The following SPTLC2 variants were observed in gnomAD, a reference collection of about 807,000 sequenced individuals.
SPTLC2 encodes serine palmitoyltransferase long chain base subunit 2.
In SPTLC2, 21 loss-of-function variants were observed where a neutral mutation model predicts 62.0. That is an observed-to-expected ratio of 0.34 (90% CI 0.24 to 0.49). The LOEUF (loss-of-function observed/expected upper bound fraction) is 0.49, where lower values mean the gene tolerates loss of function less well. Ranked by LOEUF, SPTLC2 falls within the 20% of genes least tolerant of loss-of-function variation. The pLI, the probability that SPTLC2 is intolerant of heterozygous loss-of-function variation, is 0.99. For synonymous variants in SPTLC2, 261 were observed against 261.8 expected (o/e 1.00, Z 0.03); for missense variants, 511 against 713.0 (o/e 0.72, Z 3.23).
chr14:77,590,637 G>T (rs907842467), intron 2 of SPTLC2, among the ~76,000 whole-genome samples: 3 of 152,114 alleles, frequency 2.0e-5, no homozygotes, highest in Non-Finnish European at 2.9e-5. Flanking sequence ...GCTTGAACCT[G>T]GGAGACAGAA....
At chr14:77,571,231 C>A (rs2079680572) in intron 4 of SPTLC2, among the ~76,000 whole-genome samples, 1 of 152,180 alleles carries the variant, frequency 6.6e-6, no homozygotes, top group Non-Finnish European at 1.5e-5. Flanking sequence ...TTCTTCCTGG[C>A]AGGGTGCAGT....
At chr14:77,611,586 G>A (rs759182206) in intron 1 of SPTLC2, among the ~76,000 whole-genome samples, 2 of 152,144 alleles carry the variant, frequency 1.3e-5, no homozygotes, top group Non-Finnish European at 2.9e-5. Context: ...AGCACTTTGG[G>A]AGGCGGAGGC....
At chr14:77,607,078 T>C (rs2079909480) in intron 1 of SPTLC2, among the ~76,000 whole-genome samples, 1 of 152,176 alleles carries the variant, frequency 6.6e-6, no homozygotes. Context: ...GTATTTTGTT[T>C]GTTTGTTTTT....
At chr14:77,612,918 T>A (rs1474301151) in intron 1 of SPTLC2, among the ~76,000 whole-genome samples, 1 of 152,166 alleles carries the variant, frequency 6.6e-6, no homozygotes, top group African/African-American at 2.4e-5. Flanking sequence ...AAAGTTAGGG[T>A]CAAAACTGTC....
intron 2 of SPTLC2, among the ~76,000 whole-genome samples, chr14:77,596,842 C>A (rs536570582): frequency 1.3e-5 from 2 of 152,254 alleles, no homozygotes; most frequent in Admixed American, 1.3e-4. Context: ...ACAGAAAGAG[C>A]AAGGCTTTTT....
chr14:77,544,746 C>T (rs562709470), intron 9 of SPTLC2, among the ~76,000 whole-genome samples: 43 of 152,320 alleles, frequency 2.8e-4, no homozygotes, highest in South Asian at 1.2e-3. Flanking sequence ...AAAGTCCTGA[C>T]GTTGCGCCTC....
intron 10 of SPTLC2, among the ~76,000 whole-genome samples, chr14:77,518,555 C>A (rs1009185943): frequency 6.8e-6 from 1 of 147,848 alleles, no homozygotes; most frequent in Non-Finnish European, 1.5e-5. Flanking sequence ...CAAGATCACA[C>A]GACTGTACTC....
intron 2 of SPTLC2, among the ~76,000 whole-genome samples, chr14:77,581,405 CTTTTTTTTTT>C (rs1159561282): frequency 1.1e-5 from 1 of 94,008 alleles, no homozygotes; most frequent in Non-Finnish European, 2.0e-5. Context: ...TACCATCTCT[CTTTTTTTTTT>C]TTTTTTTTTT....
At chr14:77,521,938 A>G (rs2079386788) in intron 9 of SPTLC2, among the ~76,000 whole-genome samples, 1 of 152,206 alleles carries the variant, frequency 6.6e-6, no homozygotes, top group African/African-American at 2.4e-5. Flanking sequence ...GGAGACTCTC[A>G]CCAAGGTAGT....
intron 5 of SPTLC2, among the ~76,000 whole-genome samples, chr14:77,568,910 C>A (rs12879719): frequency 0.56 from 85,274 of 151,486 alleles, 25,033 homozygotes; most frequent in East Asian, 0.91. Context: ...CGTACTTTGA[C>A]GCTCTGTTAA....
At chr14:77,566,763 A>G (rs772875547) in intron 5 of SPTLC2, among the ~76,000 whole-genome samples, 4 of 150,366 alleles carry the variant, frequency 2.7e-5, no homozygotes, top group African/African-American at 4.9e-5. Flanking sequence ...CCCGGCCACA[A>G]AATAATTATT....
chr14:77,571,400 C>A (rs995085613), intron 4 of SPTLC2, among the ~76,000 whole-genome samples: 1 of 151,612 alleles, frequency 6.6e-6, no homozygotes. Context: ...ATCCCAGCTA[C>A]TCGGGGGCTG....
At position 77,578,943 on chromosome 14, in the gene SPTLC2, A is replaced by G; in HGVS notation, c.482+12T>C. 1.2e-6 allele frequency: 2 copies of G among 1,614,000 alleles called. No homozygotes were observed. Among genetic ancestry groups the G allele is most frequent in the Admixed American group, 3.3e-5 (2 of 59,988 alleles). On this transcript the variant is annotated intron_variant, in intron 3 of 11. Transcript: ENST00000216484. ...GTAATTGTTGTCAAATAATTTCCCA[A>G]CCAAGACTCACTTGAAGGACCAGTT...
At chr14:77,612,630 T>C (rs2079944068) in intron 1 of SPTLC2, among the ~76,000 whole-genome samples, 1 of 152,224 alleles carries the variant, frequency 6.6e-6, no homozygotes, top group Non-Finnish European at 1.5e-5. Flanking sequence ...CTCATAACTA[T>C]CGTCTCCTTT....
chr14:77,540,205 C>CAAAAAAAAAAAAAAAAAAAA (rs34847653), intron 9 of SPTLC2, among the ~76,000 whole-genome samples: 1 of 87,716 alleles, frequency 1.1e-5, no homozygotes. Context: ...ACTCTTGTCT[C>CAAAAAAAAAAAAAAAAAAAA]AAAAAAAAAA....
intron 2 of SPTLC2, among the ~76,000 whole-genome samples, chr14:77,583,220 A>AATAAATAC (rs2079762418): frequency 6.7e-6 from 1 of 149,952 alleles, no homozygotes; most frequent in Non-Finnish European, 1.5e-5. Context: ...TAAATAAATA[A>AATAAATAC]ATAAATAAAT....
intron 5 of SPTLC2, 127 bp downstream of exon 5, chr14:77,570,257 T>C: frequency 8.4e-7 from 1 of 1,193,824 alleles, no homozygotes; most frequent in South Asian, 1.3e-5. Flanking sequence ...CAATTTGTGG[T>C]AGAAATATCT....
chr14:77,513,971 C>A (rs914275062), intron 11 of SPTLC2, among the ~76,000 whole-genome samples: 1 of 150,196 alleles, frequency 6.7e-6, no homozygotes, highest in Non-Finnish European at 1.5e-5. Context: ...GAGGCCAAGG[C>A]AGGCGGACTG....
intron 2 of SPTLC2, among the ~76,000 whole-genome samples, chr14:77,582,393 A>T (rs566032154): frequency 1.3e-3 from 202 of 152,232 alleles, no homozygotes; most frequent in Middle Eastern, 0.01. Flanking sequence ...ACTGCACATT[A>T]ATGTTCAAAG....
Sources: gnomAD v4.1 joint callset for allele counts (sites outside exome capture counted in the v4.1 genomes callset) on GRCh38, gnomAD v4.1.1 for gene constraint, MANE v1.5 for transcripts, NCBI Gene and HGNC (gene_info 2026-07-23, HGNC 2026-07-21) for gene names.